The following CLSTN2 variants were observed in gnomAD, a reference collection of about 807,000 sequenced individuals.
CLSTN2 encodes the protein calsyntenin 2.
In CLSTN2, 48 loss-of-function variants were observed where a neutral mutation model predicts 101.2. The ratio of observed to expected loss-of-function variants is 0.47; its 90% CI spans 0.38 to 0.60. CLSTN2 has a LOEUF of 0.60. Among genes scored for constraint, CLSTN2 ranks in the 20% least tolerant of loss-of-function variants. The pLI, the probability that CLSTN2 is intolerant of heterozygous loss-of-function variation, is 0.00. For missense variants in CLSTN2, 1,160 were observed against 1,238.2 expected, an observed-to-expected ratio of 0.94 and a Z score of 0.95; for synonymous variants, 481 against 463.6, an observed-to-expected ratio of 1.04 and a Z score of -0.48.
rs111458663 is a variant in CLSTN2 at position 140,080,166 on chromosome 3, C to A, written c.110-95785C>A. 1.8e-3 allele frequency among the ~76,000 whole-genome samples: 273 copies of A among 152,296 alleles called. 4 individuals are homozygous for A. Among genetic ancestry groups the A allele is most frequent in the African/African-American group, 6.5e-3 (268 of 41,550 alleles). ...TCATGATAGAGCAAGGATATTGTCA[C>A]CTGAGAAACCAACATTGAACCTCCT... On this transcript the variant is annotated intron_variant, in intron 1 of 16. Coordinates refer to ENST00000458420, the MANE Select transcript of CLSTN2 (RefSeq NM_022131.3).
intron 1 of CLSTN2, among the ~76,000 whole-genome samples, chr3:140,068,787 T>C (rs2008343532): frequency 6.6e-6 from 1 of 152,228 alleles, no homozygotes; most frequent in Non-Finnish European, 1.5e-5. Flanking sequence ...ACATCTACCA[T>C]GGACACAGTG....
intron 1 of CLSTN2, among the ~76,000 whole-genome samples, chr3:140,092,383 G>A (rs574113338): frequency 1.3e-4 from 20 of 152,300 alleles, no homozygotes; most frequent in African/African-American, 4.8e-4. Flanking sequence ...ACATTTCATG[G>A]GAAGAAGCTG....
chr3:140,265,525 GCTTTTGT>G (rs2086687827), intron 2 of CLSTN2, among the ~76,000 whole-genome samples: 1 of 152,160 alleles, frequency 6.6e-6, no homozygotes, highest in South Asian at 2.1e-4. Flanking sequence ...AAGAAAACAA[GCTTTTGT>G]CAAAAAAGAT....
intron 1 of CLSTN2, among the ~76,000 whole-genome samples, chr3:140,103,861 G>T (rs1175070943): frequency 2.0e-5 from 3 of 152,152 alleles, no homozygotes; most frequent in African/African-American, 7.2e-5. Flanking sequence ...CATAAAAAAG[G>T]GATTTGCAAG....
intron 2 of CLSTN2, among the ~76,000 whole-genome samples, chr3:140,390,196 T>C (rs1447419657): frequency 6.6e-6 from 1 of 152,162 alleles, no homozygotes; most frequent in Non-Finnish European, 1.5e-5. Flanking sequence ...TTTCTCTTTC[T>C]AGCTTCTTGA....
intron 8 of CLSTN2, among the ~76,000 whole-genome samples, chr3:140,478,455 C>T (rs1450344930): frequency 4.0e-5 from 6 of 151,310 alleles, no homozygotes; most frequent in Admixed American, 3.9e-4. Flanking sequence ...ATCTCAAAAA[C>T]ATTATGCTAA....
At chr3:139,956,857 A>T (rs1317114419) in intron 1 of CLSTN2, among the ~76,000 whole-genome samples, 1 of 152,176 alleles carries the variant, frequency 6.6e-6, no homozygotes, top group African/African-American at 2.4e-5. Context: ...TCACAAACTA[A>T]TTAGACTGGG....
intron 8 of CLSTN2, among the ~76,000 whole-genome samples, chr3:140,517,000 T>C (rs1027155915): frequency 1.3e-5 from 2 of 152,194 alleles, no homozygotes; most frequent in African/African-American, 4.8e-5. Context: ...ACATAACTTC[T>C]TGGAGACTTA....
intron 8 of CLSTN2, among the ~76,000 whole-genome samples, chr3:140,529,042 G>C (rs753919541): frequency 2.0e-5 from 3 of 152,176 alleles, no homozygotes; most frequent in Non-Finnish European, 4.4e-5. Flanking sequence ...AGGAAACCAA[G>C]GCAGAACTTC....
Position 140,466,620 on chromosome 3 carries a change from G to A in CLSTN2, c.1233G>A (p.Arg411=), listed in dbSNP as rs759426682. ...CTTTCTGCTTTTCAGAAATGAACCG[G>A]CATCACTATGCCCTGTATGTGCACA... ...LCNSDKTEMN[R]HHYALYVHNC... Residue 411 remains arginine (R), a synonymous_variant, in exon 8 of 17, where the codon CGG becomes CGA. Coordinates refer to ENST00000458420, the MANE Select transcript of CLSTN2 (RefSeq NM_022131.3). 1.9e-6 allele frequency: 3 copies of A among 1,613,962 alleles called. No homozygotes were observed. Among genetic ancestry groups the A allele is most frequent in the South Asian group, 2.2e-5 (2 of 91,086 alleles).
intron 1 of CLSTN2, among the ~76,000 whole-genome samples, chr3:139,989,054 G>C (rs1250947449): frequency 1.3e-5 from 2 of 152,172 alleles, no homozygotes. Flanking sequence ...TTTACAATTT[G>C]GGGAGCACTT....
At chr3:140,049,895 T>G (rs1316902079) in intron 1 of CLSTN2, among the ~76,000 whole-genome samples, 1 of 152,162 alleles carries the variant, frequency 6.6e-6, no homozygotes. Context: ...CTTCTCTACT[T>G]TCTCTATTCT....
At chr3:139,981,966 G>A (rs1429813901) in intron 1 of CLSTN2, among the ~76,000 whole-genome samples, 2 of 151,792 alleles carry the variant, frequency 1.3e-5, no homozygotes, top group African/African-American at 2.4e-5. Context: ...GTATTCCAGC[G>A]CAGCTGGGTT....
intron 1 of CLSTN2, among the ~76,000 whole-genome samples, chr3:140,119,967 C>T (rs918900774): frequency 1.3e-5 from 2 of 152,164 alleles, no homozygotes; most frequent in African/African-American, 2.4e-5. Context: ...TCTCCAGCCA[C>T]GTTATTCCTC....
At chr3:140,246,743 A>G (rs563152544) in intron 2 of CLSTN2, among the ~76,000 whole-genome samples, 3 of 152,272 alleles carry the variant, frequency 2.0e-5, no homozygotes, top group Non-Finnish European at 2.9e-5. Context: ...GTGGGCAGGT[A>G]GGAAGGCAGG....
chr3:140,139,138 G>A (rs1576441956), intron 1 of CLSTN2, among the ~76,000 whole-genome samples: 1 of 152,272 alleles, frequency 6.6e-6, no homozygotes, highest in South Asian at 2.1e-4. Flanking sequence ...GTATTTGGCG[G>A]CATTCTAGGC....
intron 7 of CLSTN2, chr3:140,461,234 A>G (rs371839223): frequency 1.4e-4 from 21 of 152,352 alleles, no homozygotes; most frequent in African/African-American, 4.8e-4. Flanking sequence ...AAGTCTATGT[A>G]GAAGTCAGTG....
At position 140,175,949 on chromosome 3, in the gene CLSTN2, A is replaced by G. The variant is rs374979417; in HGVS notation, c.110-2A>G. The stretch of plus-strand genomic sequence containing the variant: ...TTTTGTTTTTTCCCCCTTATTTTCT[A>G]GTCAATAAGCACAAGCCATGGATCG... On this transcript the variant is annotated splice_acceptor_variant, in intron 1 of 16. Coordinates refer to ENST00000458420, the MANE Select transcript of CLSTN2 (RefSeq NM_022131.3). LOFTEE classifies it high-confidence loss of function. 6.2e-7 allele frequency: 1 copy of G among 1,607,748 alleles called. No homozygotes were observed. The highest frequency in any genetic ancestry group is 8.5e-7 in the Non-Finnish European group (1 of 1,176,884).
chr3:140,297,308 A>G (rs2107907347), intron 2 of CLSTN2, among the ~76,000 whole-genome samples: 1 of 152,294 alleles, frequency 6.6e-6, no homozygotes, highest in South Asian at 2.1e-4. Context: ...TCTCATGCCC[A>G]CTGCTTGGGA....
Sources: allele counts gnomAD v4.1 joint callset (sites outside exome capture counted in the v4.1 genomes callset), GRCh38; gene constraint gnomAD v4.1.1; transcripts MANE v1.5; gene names NCBI Gene and HGNC (gene_info 2026-07-23, HGNC 2026-07-21).